Variants in PLEKHD1 observed in about 807,000 individuals in gnomAD.
PLEKHD1 encodes pleckstrin homology and coiled-coil domain containing D1.
In PLEKHD1, 51 loss-of-function variants were observed where a neutral mutation model predicts 69.2. That is an observed-to-expected ratio of 0.74 (90% CI 0.59 to 0.93). The LOEUF is 0.93. Ranked by LOEUF, PLEKHD1 falls within the 40% of genes least tolerant of loss-of-function variation. PLEKHD1 has a pLI of 0.00. For synonymous variants in PLEKHD1, 236 were observed against 244.7 expected (o/e 0.96, Z 0.33); for missense variants, 584 against 641.0 (o/e 0.91, Z 0.96).
intron 11 of PLEKHD1, 89 bp from the exon 12 acceptor site, chr14:69,527,694 C>T (rs968942398): frequency 1.2e-5 from 17 of 1,456,294 alleles, no homozygotes; most frequent in Non-Finnish European, 1.6e-5. Flanking sequence ...ATTTCCCACT[C>T]AATCTCACCA....
chr14:69,508,194 A>G (rs1883193845), intron 6 of PLEKHD1, among the ~76,000 whole-genome samples: 1 of 151,994 alleles, frequency 6.6e-6, no homozygotes, highest in Non-Finnish European at 1.5e-5. Flanking sequence ...GGATCATGAG[A>G]TGAGGAGTTC....
chr14:69,502,680 G>A lies in PLEKHD1; in HGVS notation c.503-147G>A, dbSNP rs567283743. On this transcript the variant is annotated intron_variant, in intron 5 of 12. Transcript: ENST00000322564. Reference sequence around the variant, plus strand: ...TGGCAGCTTCCATCACCAGGAGCTGGCCCACCCTCTGGCTGGCAGGGCTGC... The same window carrying A: ...TGGCAGCTTCCATCACCAGGAGCTGACCCACCCTCTGGCTGGCAGGGCTGC... 171 of 932,812 alleles carry A rather than the reference G, an allele frequency of 1.8e-4. 2 individuals carry two copies. In the South Asian group the frequency reaches 2.7e-3, roughly 15 times the overall value. The allele number at this position is 932,812 out of a possible 1,614,324, so 57.8% of individuals were successfully genotyped here. A position where few individuals can be genotyped will look rare whatever the true frequency, so the allele number is the denominator to read the frequency against.
intron 9 of PLEKHD1, 75 bp downstream of exon 9, chr14:69,526,197 C>A: frequency 3.5e-5 from 50 of 1,431,142 alleles, no homozygotes; most frequent in Non-Finnish European, 4.6e-5. Flanking sequence ...GACATCCAGA[C>A]TCTTGGGTTC....
At chr14:69,471,820 CCTTG>C in the PLEKHD1 span, among the ~76,000 whole-genome samples, 1 of 152,280 alleles carries the variant, frequency 6.6e-6, no homozygotes, top group African/African-American at 2.4e-5. Flanking sequence ...ACAGGAAGCT[CCTTG>C]ACATCTCACT....
upstream of PLEKHD1, among the ~76,000 whole-genome samples, chr14:69,480,552 A>G (rs1018865046): frequency 2.6e-5 from 4 of 152,226 alleles, no homozygotes; most frequent in Non-Finnish European, 5.9e-5. Flanking sequence ...GTAGTCCAAT[A>G]ACGATGACTC....
At chr14:69,482,906 A>AAG (rs1882568940), upstream of PLEKHD1, among the ~76,000 whole-genome samples, 1 of 116,302 alleles carries the variant, frequency 8.6e-6, no homozygotes, top group Non-Finnish European at 2.0e-5. Flanking sequence ...AAAAAAAAAA[A>AAG]GAAAGAAAGA....
Position 69,527,042 on chromosome 14 carries a change from G to C in PLEKHD1, c.1057-146G>C, listed in dbSNP as rs146992600. On this transcript the variant is annotated intron_variant, in intron 10 of 12. Coordinates refer to ENST00000322564, the MANE Select transcript of PLEKHD1 (RefSeq NM_001161498.2). ...TGCAGGTGCCAAGTCCAGTCCATCT[G>C]GTTCAAAGGGTAAGACTCAGAAGCG... 311 of 1,206,364 alleles carry C rather than the reference G, an allele frequency of 2.6e-4. No homozygotes were observed. In the African/African-American group the frequency reaches 4.1e-3, roughly 16 times the overall value. The allele number at this position is 1,206,364 out of a possible 1,614,324, so 74.7% of individuals were successfully genotyped here. A position where few individuals can be genotyped will look rare whatever the true frequency, so the allele number is the denominator to read the frequency against.
At chr14:69,475,641 A>G in the PLEKHD1 span, among the ~76,000 whole-genome samples, 1 of 152,188 alleles carries the variant, frequency 6.6e-6, no homozygotes, top group Non-Finnish European at 1.5e-5. Flanking sequence ...GGGCCTGCTT[A>G]TGTGGCTTCA....
chr14:69,485,997 C>T (rs1052491289), intron 1 of PLEKHD1, among the ~76,000 whole-genome samples: 3 of 152,258 alleles, frequency 2.0e-5, no homozygotes, highest in African/African-American at 7.2e-5. Flanking sequence ...TCCCAACTGG[C>T]TGCAGGTGCT....
Position 69,484,926 on chromosome 14 carries a change from G to T in PLEKHD1, c.-40G>T, listed in dbSNP as rs1276757344. ...GCCCCGAGTCCCTGCTGACCCCGGGGAGGTGGGGTCCGGGCCGGGCACAGC... is the reference window on the plus strand; with the variant it reads ...GCCCCGAGTCCCTGCTGACCCCGGGTAGGTGGGGTCCGGGCCGGGCACAGC... On this transcript the variant is annotated 5_prime_UTR_variant, in exon 1 of 13. An upstream open reading frame in the 5' UTR gains an earlier in-frame stop. Transcript: ENST00000322564. 6.5e-7 allele frequency: 1 copy of T among 1,541,332 alleles called. No homozygotes were observed. The highest frequency in any genetic ancestry group is 1.4e-5 in the African/African-American group (1 of 72,842).
intron 7 of PLEKHD1, among the ~76,000 whole-genome samples, chr14:69,523,368 G>A (rs1883565333): frequency 6.6e-6 from 1 of 152,206 alleles, no homozygotes; most frequent in Non-Finnish European, 1.5e-5. Context: ...CACATGATCA[G>A]TGATAGCCCA....
Position 69,485,021 on chromosome 14 carries a change from ACTCGGACG to A in PLEKHD1, c.58_65del (p.Ser20ProfsTer42). 6.4e-7 allele frequency: 1 copy of A among 1,551,336 alleles called. No homozygotes were observed. Among genetic ancestry groups the A allele is most frequent in the Non-Finnish European group, 8.7e-7 (1 of 1,146,890 alleles). Reference sequence around the variant, plus strand: ...CCCTCGCCGTCCCTGGAGCAGGCTGACTCGGACGCCCTGGATATCAGCACCAAAGTGCA... The same window carrying A: ...CCCTCGCCGTCCCTGGAGCAGGCTGACCCTGGATATCAGCACCAAAGTGCA... On this transcript the variant is annotated frameshift_variant, in exon 1 of 13. Coordinates refer to ENST00000322564, the MANE Select transcript of PLEKHD1 (RefSeq NM_001161498.2). LOFTEE classifies it high-confidence loss of function.
At chr14:69,478,041 T>G in the PLEKHD1 span, among the ~76,000 whole-genome samples, 2 of 152,248 alleles carry the variant, frequency 1.3e-5, no homozygotes, top group African/African-American at 4.8e-5. Context: ...TGCAGCAAAC[T>G]TCTGCCTGGG....
chr14:69,473,408 C>T, the PLEKHD1 span, among the ~76,000 whole-genome samples: 18,632 of 150,682 alleles, frequency 0.12, 1,379 homozygotes, highest in Middle Eastern at 0.25. Context: ...GCTGACCCTG[C>T]GTGTGTGTAG....
the PLEKHD1 span, among the ~76,000 whole-genome samples, chr14:69,478,442 CT>C: frequency 6.6e-6 from 1 of 152,166 alleles, no homozygotes; most frequent in Non-Finnish European, 1.5e-5. Context: ...CTTGGATTTT[CT>C]TTTCTATCAC....
chr14:69,485,994 T>A (rs1418549914), intron 1 of PLEKHD1, among the ~76,000 whole-genome samples: 1 of 152,236 alleles, frequency 6.6e-6, no homozygotes, highest in African/African-American at 2.4e-5. Context: ...AGCTCCCAAC[T>A]GGCTGCAGGT....
intron 1 of PLEKHD1, among the ~76,000 whole-genome samples, chr14:69,490,115 G>A (rs1023985206): frequency 1.2e-4 from 19 of 152,118 alleles, no homozygotes; most frequent in African/African-American, 3.1e-4. Context: ...TGATCTGCCC[G>A]CCTCGGCCTC....
chr14:69,500,880 T>C lies in PLEKHD1; in HGVS notation c.343T>C (p.Leu115=), dbSNP rs1883009530. ...CTCCTCTTCCTGGCAGGGGAACATC[T>C]TGCTTGCTGCTGAGTCGGAGTTTGA... ...ISHQDFHGNI[L]LAAESEFEQT... The change falls in exon 4 of 13, where the codon TTG becomes CTG. Residue 115 remains leucine, a synonymous_variant. Coordinates refer to ENST00000322564, the MANE Select transcript of PLEKHD1 (RefSeq NM_001161498.2). The C allele has an allele frequency of 1.9e-6, 3 of 1,551,668 alleles. No individual in the cohort carries two copies. Among genetic ancestry groups the C allele is most frequent in the Non-Finnish European group, 2.6e-6 (3 of 1,146,994 alleles).
rs1434911631 is a variant in PLEKHD1 at position 69,524,253 on chromosome 14, C to T, written c.675C>T (p.Cys225=). The T allele has an allele frequency of 2.6e-6, 4 of 1,551,472 alleles. No homozygotes were observed. Among genetic ancestry groups the T allele is most frequent in the Non-Finnish European group, 3.5e-6 (4 of 1,146,938 alleles). The part of the protein sequence containing the change: ...IKRELELTAR[C]LKGVEQEKKE... The stretch of plus-strand genomic sequence containing the variant: ...GGGAGCTGGAACTGACTGCAAGATG[C>T]CTTAAGGGTGTAGAACAAGAGAAAA... Residue 225 remains cysteine, a synonymous_variant, in exon 8 of 13, where the codon TGC becomes TGT. Transcript: ENST00000322564.
Sources: gnomAD v4.1 joint callset for allele counts (sites outside exome capture counted in the v4.1 genomes callset) on GRCh38, gnomAD v4.1.1 for gene constraint, MANE v1.5 for transcripts, NCBI Gene and HGNC (gene_info 2026-07-23, HGNC 2026-07-21) for gene names.